SMIM21: variants seen among roughly 807,000 people sequenced by gnomAD.
SMIM21 encodes chromosome 18 open reading frame 62.
SMIM21 carries 8 observed loss-of-function variants against 8.6 expected under a neutral mutation model. That is an observed-to-expected ratio of 0.93 (90% CI 0.55 to 1.68). SMIM21 has a LOEUF of 1.68. Among genes scored for constraint, SMIM21 ranks in the 40% most tolerant of loss-of-function variants. SMIM21 has a pLI of 0.00. For missense variants in SMIM21, 132 were observed against 123.0 expected, an observed-to-expected ratio of 1.07 and a Z score of -0.35; for synonymous variants, 43 against 41.7, an observed-to-expected ratio of 1.03 and a Z score of -0.12.
chr18:75,412,207 A>G (rs2024592061), intron 2 of SMIM21, among the ~76,000 whole-genome samples: 1 of 152,248 alleles, frequency 6.6e-6, no homozygotes, highest in South Asian at 2.1e-4. Context: ...TACATGTGAA[A>G]ACAAACAAGG....
intron 1 of SMIM21, 107 bp from the exon 2 acceptor site, chr18:75,419,023 A>G (rs534419332): frequency 8.3e-5 from 51 of 616,944 alleles, no homozygotes; most frequent in African/African-American, 6.4e-4. Context: ...TTTAAAATAA[A>G]TAAGTTTATA....
intron 2 of SMIM21, among the ~76,000 whole-genome samples, chr18:75,412,749 T>C (rs1004303912): frequency 6.6e-6 from 1 of 152,184 alleles, no homozygotes; most frequent in Non-Finnish European, 1.5e-5. Context: ...CTCTGAGTGC[T>C]GAGTCTCAGG....
intron 2 of SMIM21, chr18:75,417,119 C>T (rs930791813): frequency 3.9e-5 from 6 of 152,224 alleles, no homozygotes; most frequent in Non-Finnish European, 2.9e-5. Context: ...TGGTGCTCCT[C>T]GTGTGCATTT....
At chr18:75,421,338 T>C (rs760893472) in intron 1 of SMIM21, among the ~76,000 whole-genome samples, 2 of 152,128 alleles carry the variant, frequency 1.3e-5, no homozygotes, top group Non-Finnish European at 2.9e-5. Context: ...AAACACTTGA[T>C]AAAACAAAGT....
At chr18:75,412,844 C>T (rs549116109) in intron 2 of SMIM21, among the ~76,000 whole-genome samples, 16 of 152,124 alleles carry the variant, frequency 1.1e-4, no homozygotes, top group Non-Finnish European at 7.4e-5. Context: ...GATCAGTATC[C>T]GTTTTTCTTT....
At chr18:75,418,049 T>G in intron 2 of SMIM21, 1 of 395,156 alleles carries the variant, frequency 2.5e-6, no homozygotes, top group Non-Finnish European at 4.5e-6. Context: ...CAGGAGACAT[T>G]TGGAAGAGCT....
intron 1 of SMIM21, among the ~76,000 whole-genome samples, chr18:75,426,631 TAAAAAAAAAAAAAAAAAAAAAAAAAAA>T (rs777676195): frequency 1.2e-4 from 11 of 89,258 alleles, no homozygotes; most frequent in African/African-American, 3.8e-4. Context: ...TTTTAAAATG[TAAAAAAAAAAAAAAAAAAAAAAAAAAA>T]AAAAAAAAAA....
chr18:75,413,253 A>C (rs1266325596), intron 2 of SMIM21, among the ~76,000 whole-genome samples: 1 of 152,190 alleles, frequency 6.6e-6, no homozygotes, highest in Non-Finnish European at 1.5e-5. Context: ...AGCCCATGCC[A>C]GATGTTCAGC....
intron 1 of SMIM21, among the ~76,000 whole-genome samples, chr18:75,424,640 A>G (rs1257528806): frequency 6.6e-6 from 1 of 152,192 alleles, no homozygotes. Flanking sequence ...TTTTAAAATC[A>G]TTGTGACAAG....
intron 2 of SMIM21, among the ~76,000 whole-genome samples, chr18:75,412,234 C>G (rs908532154): frequency 9.2e-5 from 14 of 152,278 alleles, no homozygotes; most frequent in Admixed American, 9.1e-4. Context: ...TTCTCAATCT[C>G]TGTATTCTGA....
chr18:75,418,697 A>AG, intron 2 of SMIM21, 89 bp downstream of exon 2: 1 of 766,110 alleles, frequency 1.3e-6, no homozygotes, highest in African/African-American at 3.1e-5. Context: ...TGAATGTTCT[A>AG]GTTTTTTTTT....
intron 2 of SMIM21, among the ~76,000 whole-genome samples, chr18:75,414,118 C>G (rs867062596): frequency 7.1e-6 from 1 of 140,114 alleles, no homozygotes; most frequent in South Asian, 2.3e-4. Flanking sequence ...CACACACACA[C>G]ACATACACAC....
At position 75,410,165 on chromosome 18, in the gene SMIM21, T is replaced by C. The variant is rs2024567682; in HGVS notation, c.*699A>G. On this transcript the variant is annotated 3_prime_UTR_variant, in exon 3 of 3. Coordinates refer to ENST00000579022, the MANE Select transcript of SMIM21 (RefSeq NM_001037331.3). Reference sequence around the variant, plus strand: ...ATAAGAAAACTCATCTGCCTCGACTTGTTGCCCGTCTTCAGACAGTGCTCC... The same window carrying C: ...ATAAGAAAACTCATCTGCCTCGACTCGTTGCCCGTCTTCAGACAGTGCTCC... 1 of 152,672 alleles carries C rather than the reference T, an allele frequency of 6.5e-6. No homozygotes were observed. The allele number at this position is 152,672 out of a possible 1,614,324, so 9.5% of individuals were successfully genotyped here.
intron 2 of SMIM21, 34 bp downstream of exon 2, chr18:75,418,750 ATT>A (rs33995140): frequency 2.9e-5 from 44 of 1,515,152 alleles, no homozygotes; most frequent in South Asian, 1.6e-4. Flanking sequence ...AATATGTAGT[ATT>A]TTTTTTTAAC....
intron 2 of SMIM21, among the ~76,000 whole-genome samples, chr18:75,415,693 C>T (rs72975985): frequency 0.26 from 40,094 of 151,980 alleles, 6,269 homozygotes; most frequent in Middle Eastern, 0.36. Flanking sequence ...TCTAATCATC[C>T]ATCAATCATC....
intron 1 of SMIM21, among the ~76,000 whole-genome samples, chr18:75,420,383 G>T (rs900308649): frequency 6.6e-6 from 1 of 152,056 alleles, no homozygotes; most frequent in African/African-American, 2.4e-5. Flanking sequence ...AATATATGTC[G>T]TTGCATCTTC....
chr18:75,427,570 G>T lies in SMIM21; in HGVS notation c.-7C>A, dbSNP rs1555676481. 2 of 1,595,118 alleles carry T rather than the reference G, an allele frequency of 1.3e-6. No homozygotes were observed. Among genetic ancestry groups the T allele is most frequent in the Admixed American group, 1.7e-5 (1 of 59,250 alleles). On this transcript the variant is annotated 5_prime_UTR_variant, in exon 1 of 3. Transcript: ENST00000579022. ...TGGACACATACTGGTCCATGTGGGG[G>T]CTGCGGCGGTGACCAGTGAGAGGTC...
Position 75,421,243 on chromosome 18 carries a change from A to G in SMIM21, c.130-2327T>C, listed in dbSNP as rs144991757. ...AGAACAAGTATAATTCCTAATGGCA[A>G]TGCTTCCTACAGCATTCTGTGTAAA... On this transcript the variant is annotated intron_variant, in intron 1 of 2. Transcript: ENST00000579022. Among the ~76,000 whole-genome samples, 445 of 152,332 alleles carry G rather than the reference A, an allele frequency of 2.9e-3. 2 individuals carry two copies. Among genetic ancestry groups the G allele is most frequent in the South Asian group, 0.019 (91 of 4,824 alleles).
chr18:75,419,021 A>G, intron 1 of SMIM21, 105 bp from the exon 2 acceptor site: 1 of 650,604 alleles, frequency 1.5e-6, no homozygotes, highest in East Asian at 2.8e-5. Context: ...TGTTTAAAAT[A>G]AATAAGTTTA....
Sources: allele counts gnomAD v4.1 joint callset (sites outside exome capture counted in the v4.1 genomes callset), GRCh38; gene constraint gnomAD v4.1.1; transcripts MANE v1.5; gene names NCBI Gene and HGNC (gene_info 2026-07-23, HGNC 2026-07-21).